CADM2: variants seen among roughly 807,000 people sequenced by gnomAD.
CADM2 encodes immunoglobulin superfamily member 4D.
CADM2 carries 12 observed loss-of-function variants against 49.8 expected under a neutral mutation model. The observed-to-expected ratio is 0.24, with a 90% confidence interval of 0.15 to 0.39. CADM2 has a LOEUF of 0.39. CADM2 is among the 10% of genes least tolerant of loss of function. The probability of loss-of-function intolerance (pLI) is 1.00; values close to 1 mark genes in which losing one functional copy is unlikely to be tolerated. For missense variants in CADM2, 378 were observed against 492.3 expected, an observed-to-expected ratio of 0.77 and a Z score of 2.20; for synonymous variants, 214 against 175.4, an observed-to-expected ratio of 1.22 and a Z score of -1.74.
At chr3:85,908,753 C>A (rs1366738776) in intron 5 of CADM2, among the ~76,000 whole-genome samples, 1 of 146,866 alleles carries the variant, frequency 6.8e-6, no homozygotes, top group Non-Finnish European at 1.5e-5. Context: ...GAGATGGAAT[C>A]TCACTCTGTC....
chr3:85,257,433 C>T (rs1010217439), intron 1 of CADM2, among the ~76,000 whole-genome samples: 1 of 151,948 alleles, frequency 6.6e-6, no homozygotes, highest in African/African-American at 2.4e-5. Flanking sequence ...ACAAGTATAC[C>T]AGCTGGGCCA....
At chr3:85,485,881 A>AT (rs1210145603) in intron 1 of CADM2, among the ~76,000 whole-genome samples, 56 of 152,088 alleles carry the variant, frequency 3.7e-4, no homozygotes, top group Non-Finnish European at 6.5e-4. Flanking sequence ...TGGTAATACA[A>AT]AACCTTATAA....
At chr3:85,123,266 TC>T (rs1307409625) in intron 1 of CADM2, among the ~76,000 whole-genome samples, 1 of 152,210 alleles carries the variant, frequency 6.6e-6, no homozygotes, top group Non-Finnish European at 1.5e-5. Flanking sequence ...GAAGTAATAC[TC>T]TTATGATTTA....
intron 1 of CADM2, among the ~76,000 whole-genome samples, chr3:85,149,755 G>T (rs936484154): frequency 6.6e-6 from 1 of 151,996 alleles, no homozygotes; most frequent in African/African-American, 2.4e-5. Context: ...AAATTGTAGC[G>T]TTATAGACAC....
At chr3:85,481,111 C>G (rs1559861669) in intron 1 of CADM2, among the ~76,000 whole-genome samples, 1 of 151,000 alleles carries the variant, frequency 6.6e-6, no homozygotes, top group Non-Finnish European at 1.5e-5. Flanking sequence ...ACAATGTTTT[C>G]AATTATCAGT....
chr3:85,817,346 T>A (rs1699504807), intron 3 of CADM2, among the ~76,000 whole-genome samples: 1 of 152,192 alleles, frequency 6.6e-6, no homozygotes, highest in African/African-American at 2.4e-5. Context: ...ATAGCAGCAG[T>A]GCAAATCTAT....
At chr3:86,064,822 C>T (rs192279465) in intron 8 of CADM2, among the ~76,000 whole-genome samples, 166 of 152,316 alleles carry the variant, frequency 1.1e-3, no homozygotes, top group African/African-American at 4.0e-3. Flanking sequence ...AAATGCAGAA[C>T]ATGAAAGTAT....
intron 3 of CADM2, 85 bp downstream of exon 3, chr3:85,802,281 C>A: frequency 3.3e-6 from 4 of 1,215,086 alleles, no homozygotes; most frequent in African/African-American, 3.1e-5. Flanking sequence ...ATGATTCAAA[C>A]TATTCCTTTT....
chr3:85,309,063 G>A (rs891429472), intron 1 of CADM2, among the ~76,000 whole-genome samples: 1 of 152,016 alleles, frequency 6.6e-6, no homozygotes, highest in Non-Finnish European at 1.5e-5. Flanking sequence ...ACAAAGAGAT[G>A]ACTATAACAC....
intron 1 of CADM2, among the ~76,000 whole-genome samples, chr3:85,563,413 G>A (rs35640950): frequency 6.8e-6 from 1 of 146,964 alleles, no homozygotes; most frequent in African/African-American, 2.5e-5. Flanking sequence ...TGTGTGTGTG[G>A]GGGGGTGGTA....
At chr3:85,929,734 T>A (rs1343939800) in intron 6 of CADM2, among the ~76,000 whole-genome samples, 2 of 152,026 alleles carry the variant, frequency 1.3e-5, no homozygotes, top group Non-Finnish European at 2.9e-5. Context: ...TAACTCAGTT[T>A]TTGAGATGAC....
intron 1 of CADM2, among the ~76,000 whole-genome samples, chr3:85,060,897 A>G (rs879794813): frequency 3.9e-5 from 6 of 152,180 alleles, no homozygotes; most frequent in Admixed American, 3.3e-4. Context: ...TATTACTTAT[A>G]TTAACAATAA....
At chr3:85,302,631 T>G (rs1259100590) in intron 1 of CADM2, among the ~76,000 whole-genome samples, 1 of 152,100 alleles carries the variant, frequency 6.6e-6, no homozygotes, top group East Asian at 1.9e-4. Flanking sequence ...CTGCATAAAC[T>G]ATAATTATCG....
At chr3:85,431,558 T>G (rs2036666736) in intron 1 of CADM2, among the ~76,000 whole-genome samples, 1 of 151,712 alleles carries the variant, frequency 6.6e-6, no homozygotes, top group Non-Finnish European at 1.5e-5. Context: ...TCAGAAGTGT[T>G]AAAACACAGT....
chr3:85,854,197 T>C (rs2075217263), intron 3 of CADM2, among the ~76,000 whole-genome samples: 1 of 152,232 alleles, frequency 6.6e-6, no homozygotes, highest in South Asian at 2.1e-4. Context: ...TCTTTCACTG[T>C]ATTCCACAAC....
chr3:85,355,510 A>G (rs1390367626), intron 1 of CADM2, among the ~76,000 whole-genome samples: 1 of 152,136 alleles, frequency 6.6e-6, no homozygotes, highest in Non-Finnish European at 1.5e-5. Flanking sequence ...GAAGTTAACA[A>G]GAGATTTTCA....
At chr3:85,307,623 A>G (rs1474137467) in intron 1 of CADM2, among the ~76,000 whole-genome samples, 1 of 151,790 alleles carries the variant, frequency 6.6e-6, no homozygotes, top group African/African-American at 2.4e-5. Flanking sequence ...CTTTGTTAAG[A>G]TAATGCTTTG....
chr3:85,410,766 T>C (rs2035621283), intron 1 of CADM2, among the ~76,000 whole-genome samples: 1 of 152,154 alleles, frequency 6.6e-6, no homozygotes, highest in Admixed American at 6.6e-5. Context: ...CTGAAAGCTC[T>C]TTGTAGGTGA....
At chr3:85,583,727 T>A (rs534271297) in intron 1 of CADM2, among the ~76,000 whole-genome samples, 6 of 152,100 alleles carry the variant, frequency 3.9e-5, no homozygotes, top group Non-Finnish European at 8.8e-5. Context: ...GATTTATGAA[T>A]AGTATCTGTT....
Sources: allele counts gnomAD v4.1 joint callset (sites outside exome capture counted in the v4.1 genomes callset), GRCh38; gene constraint gnomAD v4.1.1; transcripts MANE v1.5; gene names NCBI Gene and HGNC (gene_info 2026-07-23, HGNC 2026-07-21).